ZNF215: variants seen among roughly 807,000 people sequenced by gnomAD.
ZNF215 encodes BWSCR2-associated zinc finger protein 2.
Under a neutral mutation model 27.2 loss-of-function variants are expected in ZNF215, and 24 were observed. The ratio of observed to expected loss-of-function variants is 0.88; its 90% CI spans 0.64 to 1.24. The LOEUF is 1.24. ZNF215 is among the 50% of genes most tolerant of loss of function. The pLI, the probability that ZNF215 is intolerant of heterozygous loss-of-function variation, is 0.00. For missense variants in ZNF215, 675 were observed against 605.7 expected (o/e 1.11, Z -1.20); for synonymous variants, 210 against 204.0 (o/e 1.03, Z -0.25).
At chr11:6,940,314 G>C (rs994378730) in intron 3 of ZNF215, among the ~76,000 whole-genome samples, 1 of 151,676 alleles carries the variant, frequency 6.6e-6, no homozygotes, top group African/African-American at 2.4e-5. Context: ...ATTTTTGTTT[G>C]CTTTTATTCA....
chr11:6,950,779 A>C (rs1211894076), intron 6 of ZNF215, among the ~76,000 whole-genome samples: 1 of 148,142 alleles, frequency 6.8e-6, no homozygotes. Flanking sequence ...GTTGAATAGG[A>C]GTGGTGAGAG....
chr11:6,934,262 A>G (rs1380870852), intron 3 of ZNF215, among the ~76,000 whole-genome samples: 1 of 152,206 alleles, frequency 6.6e-6, no homozygotes, highest in African/African-American at 2.4e-5. Flanking sequence ...GGTATAACAA[A>G]AAGGTCACAT....
intron 5 of ZNF215, among the ~76,000 whole-genome samples, chr11:6,981,630 A>T (rs1210217366): frequency 2.6e-5 from 4 of 152,026 alleles, no homozygotes; most frequent in Non-Finnish European, 5.9e-5. Flanking sequence ...CCCATTTGTC[A>T]ACTTTGGCTT....
At chr11:6,983,687 G>A (rs1011141435) in intron 5 of ZNF215, among the ~76,000 whole-genome samples, 3 of 152,058 alleles carry the variant, frequency 2.0e-5, no homozygotes, top group African/African-American at 7.2e-5. Context: ...CAGAGACATT[G>A]TTTTAAACTT....
At position 6,932,256 on chromosome 11, in the gene ZNF215, G is replaced by A. The variant is rs763734455; in HGVS notation, c.-17G>A. The A allele has an allele frequency of 1.1e-5, 17 of 1,608,522 alleles. No individual in the cohort carries two copies. Among genetic ancestry groups the A allele is most frequent in the Admixed American group, 5.0e-5 (3 of 59,462 alleles). ...GTAAGGCGGATTTGAACTACTGTGG[G>A]AGTTCTATTTAGGAAGATGCAGCCT... On this transcript the variant is annotated 5_prime_UTR_variant, in exon 3 of 7. Coordinates refer to ENST00000278319, the MANE Select transcript of ZNF215 (RefSeq NM_013250.4).
Position 6,943,553 on chromosome 11 carries a change from A to G in ZNF215, c.624A>G (p.Leu208=). Residue 208 remains leucine, a synonymous_variant, in exon 6 of 7, where the codon CTA becomes CTG. Transcript: ENST00000278319. ...TATTTTCTCCATGAACAGCACATCT[A>G]CTTTCCAAACCATTTGAGAGCCTTA... is the stretch of plus-strand genomic sequence containing the variant. ...RNLNSLRKAH[L]LSKPFESLKL... 6.2e-7 allele frequency: 1 copy of G among 1,613,690 alleles called. No homozygotes were observed. The highest frequency in any genetic ancestry group is 1.1e-5 in the South Asian group (1 of 91,068).
At chr11:6,983,945 A>G (rs1157379146) in intron 5 of ZNF215, among the ~76,000 whole-genome samples, 1 of 151,954 alleles carries the variant, frequency 6.6e-6, no homozygotes, top group African/African-American at 2.4e-5. Context: ...AGAATTATAA[A>G]GTTTAACACC....
rs1299712300 is a variant in ZNF215 at position 6,932,209 on chromosome 11, G to C, written c.-64G>C. ...TATAGTACACAGGTGCTTAGCTCAA[G>C]CCTGAGAATTACTGCAATCTAGTAA... On this transcript the variant is annotated 5_prime_UTR_variant, in exon 3 of 7. Transcript: ENST00000278319. 6 of 1,561,776 alleles carry C rather than the reference G, an allele frequency of 3.8e-6. No individual in the cohort carries two copies. The highest frequency in any genetic ancestry group is 5.2e-6 in the Non-Finnish European group (6 of 1,154,040).
In ZNF215 at chr11:6,936,845, T is replaced by C. The variant is rs1664748576; in HGVS notation, c.400+4173T>C. On this transcript the variant is annotated intron_variant, in intron 3 of 6. Coordinates refer to ENST00000278319, the MANE Select transcript of ZNF215 (RefSeq NM_013250.4). ...GGAAAAATTACACGATTATCTCAAT[T>C]GATGCAGAAAAAGCATCTGACAAAA... 2.0e-5 allele frequency among the ~76,000 whole-genome samples: 3 copies of C among 151,410 alleles called. No homozygotes were observed. The South Asian group carries it at 6.2e-4, about 31-fold the overall frequency.
At chr11:6,990,782 AGGGG>A (rs1564981862), downstream of ZNF215, among the ~76,000 whole-genome samples, 2 of 152,080 alleles carry the variant, frequency 1.3e-5, no homozygotes, top group African/African-American at 4.8e-5. Context: ...ACACACACAA[AGGGG>A]ACTTTGAAAA....
At chr11:6,944,421 A>G (rs1907612) in intron 6 of ZNF215, among the ~76,000 whole-genome samples, 27,112 of 140,610 alleles carry the variant, frequency 0.19, 2,619 homozygotes, top group Middle Eastern at 0.23. Flanking sequence ...AAACTGTATC[A>G]CTTATTTTAT....
intron 2 of ZNF215, among the ~76,000 whole-genome samples, chr11:6,928,895 T>C (rs1849157720): frequency 6.6e-6 from 1 of 152,152 alleles, no homozygotes; most frequent in African/African-American, 2.4e-5. Context: ...AGGAGGGTCG[T>C]GGATGTCAAC....
intron 3 of ZNF215, among the ~76,000 whole-genome samples, chr11:6,940,902 T>G (rs1380353853): frequency 6.6e-6 from 1 of 152,206 alleles, no homozygotes; most frequent in Non-Finnish European, 1.5e-5. Flanking sequence ...CTTACTACAT[T>G]GTTTCTACTC....
At chr11:6,935,773 G>A (rs943186165) in intron 3 of ZNF215, among the ~76,000 whole-genome samples, 84 of 152,052 alleles carry the variant, frequency 5.5e-4, no homozygotes, top group Non-Finnish European at 4.4e-5. Flanking sequence ...AAGTATACAT[G>A]GAATAGTCTC....
At chr11:6,973,666 CCTGTGT>C (rs1850769162) in intron 5 of ZNF215, among the ~76,000 whole-genome samples, 1 of 152,112 alleles carries the variant, frequency 6.6e-6, no homozygotes, top group South Asian at 2.1e-4. Flanking sequence ...AGCATTTTTT[CCTGTGT>C]CTGTTGGCTG....
downstream of ZNF215, among the ~76,000 whole-genome samples, chr11:6,961,936 T>C (rs942359533): frequency 1.3e-5 from 2 of 152,174 alleles, no homozygotes; most frequent in African/African-American, 4.8e-5. Flanking sequence ...CCTGTGCTTT[T>C]CTGCAGCCTA....
At position 6,955,921 on chromosome 11, in the gene ZNF215, T is replaced by G. The variant is rs778787479; in HGVS notation, c.944T>G (p.Val315Gly). 6.2e-7 allele frequency: 1 copy of G among 1,612,266 alleles called. No individual in the cohort carries two copies. The highest frequency in any genetic ancestry group is 8.5e-7 in the Non-Finnish European group (1 of 1,179,514). ...ENKKSFDINS[V>G]SSICAIQVGI... ...AAGAAAAGCTTTGATATTAATTCAG[T>G]TAGCTCAATTTGTGCTATACAAGTG... Residue 315 changes from valine to glycine, a missense_variant, in exon 7 of 7, where the codon GTT becomes GGT. Physicochemically the swap from Val to Gly is moderately radical, Grantham distance 109. Coordinates refer to ENST00000278319, the MANE Select transcript of ZNF215 (RefSeq NM_013250.4).
In ZNF215 at chr11:6,932,645, G is replaced by T. The variant is rs755365457; in HGVS notation, c.373G>T (p.Asp125Tyr). 2 of 1,611,184 alleles carry T rather than the reference G, an allele frequency of 1.2e-6. No individual in the cohort carries two copies. The highest frequency in any genetic ancestry group is 1.7e-6 in the Non-Finnish European group (2 of 1,178,376). The change falls in exon 3 of 7, where the codon GAT (aspartate) becomes TAT (tyrosine). Residue 125 changes from aspartate (D) to tyrosine (Y), a missense_variant. Coordinates refer to ENST00000278319, the MANE Select transcript of ZNF215 (RefSeq NM_013250.4). ...NSKDMVTLIE[D>Y]VIEMLEDEDM... ...TAAAGATATGGTGACCCTCATAGAAGATGTGATTGAAATGCTTGAAGATGA... is the reference window on the plus strand; with the variant it reads ...TAAAGATATGGTGACCCTCATAGAATATGTGATTGAAATGCTTGAAGATGA...
At chr11:6,994,223 C>T (rs1851152596) in intron 6 of ZNF215, among the ~76,000 whole-genome samples, 1 of 150,226 alleles carries the variant, frequency 6.7e-6, no homozygotes, top group South Asian at 2.1e-4. Flanking sequence ...CCATTTAATA[C>T]TAATATCGCA....
Sources: gnomAD v4.1 joint callset for allele counts (sites outside exome capture counted in the v4.1 genomes callset) on GRCh38, gnomAD v4.1.1 for gene constraint, MANE v1.5 for transcripts, NCBI Gene and HGNC (gene_info 2026-07-23, HGNC 2026-07-21) for gene names.